The following ARHGEF17 variants were observed in gnomAD, a reference collection of about 807,000 sequenced individuals.
ARHGEF17 encodes the protein Rho guanine nucleotide exchange factor 17.
A neutral mutation model predicts 174.0 loss-of-function variants in ARHGEF17; 80 were observed. The observed-to-expected ratio is 0.46, with a 90% CI of 0.38 to 0.55. ARHGEF17 has a LOEUF of 0.55. Ranked by LOEUF, ARHGEF17 falls within the 20% of genes least tolerant of loss-of-function variation. The pLI is 0.00. For synonymous variants in ARHGEF17, 1,311 were observed against 1,189.1 expected, an observed-to-expected ratio of 1.10 and a Z score of -2.11; for missense variants, 2,886 against 2,839.7, an observed-to-expected ratio of 1.02 and a Z score of -0.37.
chr11:73,360,548 A>G lies in ARHGEF17; in HGVS notation c.4420+15A>G, dbSNP rs771647890. ...GAGGAAGCTGGGTAAGCCAAGGCAC[A>G]TGTTGGCCCTCTCCTCCTAGAGCTT... is the stretch of plus-strand genomic sequence containing the variant. On this transcript the variant is annotated intron_variant, in intron 11 of 20. Transcript: ENST00000263674. The G allele has an allele frequency of 3.1e-6, 5 of 1,613,348 alleles. No individual in the cohort carries two copies. Among genetic ancestry groups the G allele is most frequent in the Admixed American group, 3.3e-5 (2 of 60,026 alleles).
intron 1 of ARHGEF17, among the ~76,000 whole-genome samples, chr11:73,314,056 C>T (rs1013976391): frequency 6.6e-6 from 1 of 152,212 alleles, no homozygotes. Flanking sequence ...ATTTCCCACA[C>T]CCTCATAAAG....
chr11:73,355,836 CA>C, intron 4 of ARHGEF17, 24 bp from the exon 5 acceptor site: 1 of 1,613,536 alleles, frequency 6.2e-7, no homozygotes, highest in South Asian at 1.1e-5. Context: ...TCATTCCTCA[CA>C]TGATGCCCAT....
chr11:73,362,628 A>G lies in ARHGEF17; in HGVS notation c.4890A>G (p.Pro1630=), dbSNP rs1865766362. Residue 1630 remains proline (P), a synonymous_variant, in exon 14 of 21, where the codon CCA becomes CCG. Transcript: ENST00000263674. ...GCCTCGGCGAGGGTGACCCCCGCCC[A>G]GAGCTGGTGCCCTTTGACAGTGACT... is the stretch of plus-strand genomic sequence containing the variant. The part of the protein sequence containing the change: ...TPGLGEGDPR[P]ELVPFDSDSD... 6.2e-7 allele frequency: 1 copy of G among 1,611,420 alleles called. No individual in the cohort carries two copies. Among genetic ancestry groups the G allele is most frequent in the African/African-American group, 1.3e-5 (1 of 74,950 alleles).
intron 2 of ARHGEF17, among the ~76,000 whole-genome samples, chr11:73,348,709 A>T (rs1447715386): frequency 6.6e-6 from 1 of 152,232 alleles, no homozygotes; most frequent in Non-Finnish European, 1.5e-5. Context: ...GGATGGTCAC[A>T]CATTATGAAT....
Position 73,364,615 on chromosome 11 carries a change from G to A in ARHGEF17, c.5550+15G>A. The A allele has an allele frequency of 1.2e-6, 2 of 1,601,478 alleles. No individual in the cohort carries two copies. The highest frequency in any genetic ancestry group is 1.3e-5 in the African/African-American group (1 of 74,206). On this transcript the variant is annotated intron_variant, in intron 18 of 20. Coordinates refer to ENST00000263674, the MANE Select transcript of ARHGEF17 (RefSeq NM_014786.4). ...TGCAGCTGGAGGTAGCAGGGGGTGGGGGAATGGAATTGGTGCCATGGGATG... is the reference window on the plus strand; with the variant it reads ...TGCAGCTGGAGGTAGCAGGGGGTGGAGGAATGGAATTGGTGCCATGGGATG...
rs141300094 is a variant in ARHGEF17, at chr11:73,308,438, C to T, written c.-201C>T. On this transcript the variant is annotated 5_prime_UTR_variant, in exon 1 of 21. Coordinates refer to ENST00000263674, the MANE Select transcript of ARHGEF17 (RefSeq NM_014786.4). ...GTCGGCGCTGAGGCGGGAGGGGCCG[C>T]CCGGGATGGAGACGTTGCGGCCGGT... The T allele has an allele frequency of 0.059, 28,356 of 477,070 alleles. 1,103 individuals carry two copies. The highest frequency in any genetic ancestry group is 0.069 in the Non-Finnish European group (20,133 of 291,490). 29.6% of individuals were successfully genotyped at this position (477,070 alleles called of 1,614,324 possible). A position where few individuals can be genotyped will look rare whatever the true frequency, so the allele number is the denominator to read the frequency against.
rs1261931129 is a variant in ARHGEF17, at chr11:73,368,920, G to T, written c.*1140G>T. 15 of 152,318 alleles carry T rather than the reference G, an allele frequency of 9.8e-5. No homozygotes were observed. Among genetic ancestry groups the T allele is most frequent in the Non-Finnish European group, 1.5e-5 (1 of 68,062 alleles). 9.4% of individuals were successfully genotyped at this position (152,318 alleles called of 1,614,324 possible). The stretch of plus-strand genomic sequence containing the variant: ...CGCTTCTTCAGCTAAAACTCCAAAG[G>T]TTTGGTTTCAGATGGGGTTTGTTTT... On this transcript the variant is annotated 3_prime_UTR_variant, in exon 21 of 21. Transcript: ENST00000263674.
Position 73,356,944 on chromosome 11 carries a change from T to G in ARHGEF17, c.3892-81T>G, listed in dbSNP as rs964151944. 23 of 1,518,902 alleles carry G rather than the reference T, an allele frequency of 1.5e-5. No individual in the cohort carries two copies. In the Admixed American group the frequency reaches 4.0e-4, roughly 27 times the overall value. The allele number at this position is 1,518,902 out of a possible 1,614,324, so 94.1% of individuals were successfully genotyped here. Reference sequence around the variant, plus strand: ...AGCCCTCACTCTCCCTGGGTCTCAGTGTCCCCTTGGGCACTATGGGCAGGG... The same window carrying G: ...AGCCCTCACTCTCCCTGGGTCTCAGGGTCCCCTTGGGCACTATGGGCAGGG... On this transcript the variant is annotated intron_variant, in intron 7 of 20. Coordinates refer to ENST00000263674, the MANE Select transcript of ARHGEF17 (RefSeq NM_014786.4).
chr11:73,333,226 A>G (rs1311181289), intron 1 of ARHGEF17, among the ~76,000 whole-genome samples: 1 of 152,174 alleles, frequency 6.6e-6, no homozygotes, highest in African/African-American at 2.4e-5. Flanking sequence ...AGTTCAGAGG[A>G]GGGGAGTGGG....
At chr11:73,361,729 C>T (rs1400338792) in intron 12 of ARHGEF17, among the ~76,000 whole-genome samples, 1 of 152,058 alleles carries the variant, frequency 6.6e-6, no homozygotes, top group Non-Finnish European at 1.5e-5. Context: ...TGGCGCGCCC[C>T]TGTGGTCCCA....
chr11:73,360,685 C>A, intron 11 of ARHGEF17, 152 bp downstream of exon 11: 1 of 780,366 alleles, frequency 1.3e-6, no homozygotes, highest in Non-Finnish European at 2.1e-6. Flanking sequence ...TGCAGTGAAA[C>A]ATCAGACTGA....
rs1186864366 is a variant in ARHGEF17, at chr11:73,367,945, A to T, written c.*165A>T. 1 of 717,258 alleles carries T rather than the reference A, an allele frequency of 1.4e-6. No homozygotes were observed. The highest frequency in any genetic ancestry group is 1.8e-5 in the African/African-American group (1 of 56,108). The allele number at this position is 717,258 out of a possible 1,614,324, so 44.4% of individuals were successfully genotyped here. A position where few individuals can be genotyped will look rare whatever the true frequency, so the allele number is the denominator to read the frequency against. On this transcript the variant is annotated 3_prime_UTR_variant, in exon 21 of 21. Transcript: ENST00000263674. ...CGGAAGCATTCCTGATGGAACACCC[A>T]CTGGCCAGCCAGGCCATGGCTTCTC...
chr11:73,326,776 C>G (rs753027820), intron 1 of ARHGEF17, among the ~76,000 whole-genome samples: 12 of 152,138 alleles, frequency 7.9e-5, no homozygotes, highest in Non-Finnish European at 1.5e-4. Flanking sequence ...ACCTTTTCTT[C>G]TAGAGGAATC....
Position 73,332,350 on chromosome 11 carries a change from C to CGTGTGTGT in ARHGEF17, c.3193-14482_3193-14475dup, listed in dbSNP as rs58725771. 4.8e-3 allele frequency among the ~76,000 whole-genome samples: 585 copies of CGTGTGTGT among 120,720 alleles called. 12 individuals carry two copies. Among genetic ancestry groups the CGTGTGTGT allele is most frequent in the East Asian group, 0.023 (80 of 3,532 alleles). 79.2% of individuals were successfully genotyped at this position (120,720 alleles called of 152,430 possible). A position where few individuals can be genotyped will look rare whatever the true frequency, so the allele number is the denominator to read the frequency against. The stretch of plus-strand genomic sequence containing the variant: ...TATATTTCCCTCCAGGCTTTTTCTC[C>CGTGTGTGT]GTGTGTGTGTGTGTGTGTGTGTGTG... On this transcript the variant is annotated intron_variant, in intron 1 of 20. Coordinates refer to ENST00000263674, the MANE Select transcript of ARHGEF17 (RefSeq NM_014786.4).
chr11:73,351,165 C>T (rs1300702011), intron 2 of ARHGEF17, among the ~76,000 whole-genome samples: 5 of 152,226 alleles, frequency 3.3e-5, no homozygotes, highest in Non-Finnish European at 7.3e-5. Context: ...TGCCTATCTC[C>T]TCACCATCAT....
At chr11:73,334,884 G>A (rs1865262234) in intron 1 of ARHGEF17, among the ~76,000 whole-genome samples, 1 of 152,254 alleles carries the variant, frequency 6.6e-6, no homozygotes, top group South Asian at 2.1e-4. Flanking sequence ...ATAGGGAAGG[G>A]ATCCCTGCTT....
At chr11:73,351,209 G>A (rs576410373) in intron 2 of ARHGEF17, among the ~76,000 whole-genome samples, 1 of 152,216 alleles carries the variant, frequency 6.6e-6, no homozygotes, top group African/African-American at 2.4e-5. Flanking sequence ...CCAAGAGAGA[G>A]GATTCTGTTG....
At position 73,356,631 on chromosome 11, in the gene ARHGEF17, G is replaced by A. The variant is rs1039964682; in HGVS notation, c.3841-78G>A. On this transcript the variant is annotated intron_variant, in intron 6 of 20. Coordinates refer to ENST00000263674, the MANE Select transcript of ARHGEF17 (RefSeq NM_014786.4). ...TTGGCCTAGCCCATGGAGTGGGGCC[G>A]AGGGATCACTGGGATTTTTGGAGGG... The A allele has an allele frequency of 2.8e-5, 44 of 1,579,202 alleles. 1 individual carries two copies. The Admixed American group carries it at 2.9e-4, about 10-fold the overall frequency.
intron 1 of ARHGEF17, among the ~76,000 whole-genome samples, chr11:73,318,043 C>T (rs551961487): frequency 6.6e-6 from 1 of 152,226 alleles, no homozygotes; most frequent in Non-Finnish European, 1.5e-5. Context: ...TCTTGGGCAC[C>T]AGGATAAACC....
Sources: allele counts gnomAD v4.1 joint callset (sites outside exome capture counted in the v4.1 genomes callset), GRCh38; gene constraint gnomAD v4.1.1; transcripts MANE v1.5; gene names NCBI Gene and HGNC (gene_info 2026-07-23, HGNC 2026-07-21).